Variants in ASAP3 observed in about 807,000 individuals in gnomAD.
The protein encoded by ASAP3 is arf-GAP with SH3 domain, ANK repeat and PH domain-containing protein 3.
A neutral mutation model predicts 118.2 loss-of-function variants in ASAP3; 85 were observed. The ratio of observed to expected loss-of-function variants is 0.72; its 90% CI spans 0.60 to 0.86. The LOEUF is 0.86. Among genes scored for constraint, ASAP3 ranks in the 40% least tolerant of loss-of-function variants. The probability of loss-of-function intolerance (pLI) is 0.00; values close to 1 mark genes in which losing one functional copy is unlikely to be tolerated. For synonymous variants in ASAP3, 432 were observed against 477.4 expected (o/e 0.90, Z 1.24); for missense variants, 1,026 against 1,175.0 (o/e 0.87, Z 1.85).
intron 1 of ASAP3, among the ~76,000 whole-genome samples, chr1:23,461,231 T>C (rs1641575497): frequency 1.3e-5 from 2 of 152,204 alleles, no homozygotes; most frequent in Non-Finnish European, 2.9e-5. Context: ...TGTCAATGTA[T>C]GGTCATTGAA....
At position 23,437,395 on chromosome 1, in the gene ASAP3, C is replaced by G; in HGVS notation, c.1151+29G>C. 1 of 1,612,550 alleles carries G rather than the reference C, an allele frequency of 6.2e-7. No homozygotes were observed. The highest frequency in any genetic ancestry group is 8.5e-7 in the Non-Finnish European group (1 of 1,179,194). ...GGGCCGCCGGCCCCCACCCACAAGG[C>G]TGGCCGGGCTGGCCGAGGGGGCACT... On this transcript the variant is annotated intron_variant, in intron 13 of 24. Coordinates refer to ENST00000336689, the MANE Select transcript of ASAP3 (RefSeq NM_017707.4). This position sits in a 1 kb window ranked among gnomAD's most constrained non-coding sequence, Gnocchi z 6.1.
intron 5 of ASAP3, among the ~76,000 whole-genome samples, chr1:23,445,244 C>A (rs1396819803): frequency 2.0e-5 from 3 of 152,150 alleles, no homozygotes; most frequent in African/African-American, 7.2e-5. Flanking sequence ...AATCCCAGCA[C>A]TTTGTGAGGC....
chr1:23,433,492 T>C lies in ASAP3; in HGVS notation c.2060A>G (p.His687Arg). The change falls in exon 21 of 25, where the codon CAT becomes CGT. Residue 687 changes from histidine (H) to arginine (R), a missense_variant. Transcript: ENST00000336689. The part of the protein sequence containing the change: ...AQAGTFAFPL[H>R]VDYSWVISTE... ...GGAAATTACCCAGGAGTAGTCCACA[T>C]GTAGAGGGAAGGCAAAGGTCCCCGC... The C allele has an allele frequency of 2.5e-6, 4 of 1,614,164 alleles. No homozygotes were observed. The highest frequency in any genetic ancestry group is 3.4e-6 in the Non-Finnish European group (4 of 1,180,032).
At chr1:23,448,803 T>G (rs946265) in intron 5 of ASAP3, among the ~76,000 whole-genome samples, 119,084 of 152,030 alleles carry the variant, frequency 0.78, 47,663 homozygotes, top group Middle Eastern at 0.89. Flanking sequence ...ATGTTAAAAT[T>G]ATAGCCCCAT....
intron 1 of ASAP3, among the ~76,000 whole-genome samples, chr1:23,461,488 G>A (rs918692626): frequency 6.6e-6 from 1 of 152,016 alleles, no homozygotes; most frequent in East Asian, 1.9e-4. Context: ...GCAACATAGT[G>A]AGAGTCTGTC....
chr1:23,449,483 T>C (rs542178891), intron 5 of ASAP3, among the ~76,000 whole-genome samples: 2 of 152,222 alleles, frequency 1.3e-5, no homozygotes, highest in African/African-American at 2.4e-5. Context: ...ATTTGACAGA[T>C]GCTATCAGGG....
At chr1:23,467,107 G>T (rs1463119901) in intron 1 of ASAP3, among the ~76,000 whole-genome samples, 1 of 151,522 alleles carries the variant, frequency 6.6e-6, no homozygotes, top group East Asian at 1.9e-4. Flanking sequence ...CAGGTAATCC[G>T]CCCGCCTCAG....
intron 1 of ASAP3, among the ~76,000 whole-genome samples, chr1:23,477,712 G>A (rs1361411426): frequency 1.3e-5 from 2 of 152,128 alleles, no homozygotes; most frequent in Non-Finnish European, 2.9e-5. Flanking sequence ...TGTTCTTTCT[G>A]TTTGTTTTGT....
chr1:23,482,538 G>A (rs928000220), intron 1 of ASAP3, among the ~76,000 whole-genome samples: 2 of 151,950 alleles, frequency 1.3e-5, no homozygotes, highest in Non-Finnish European at 2.9e-5. Context: ...AAAGATGCAT[G>A]CTTTATATGC....
chr1:23,442,059 G>C, intron 7 of ASAP3, 127 bp downstream of exon 7: 1 of 991,610 alleles, frequency 1.0e-6, no homozygotes, highest in Non-Finnish European at 1.5e-6. Flanking sequence ...ACTCAATGAG[G>C]AACTATGAAA....
rs535583916 is a variant in ASAP3 at position 23,431,715 on chromosome 1, A to C, written c.2527T>G (p.Tyr843Asp). ...ACCAACCTGAATCTGACGGGGAGGTACATCTCCGAAGGGGTGGTCCCGGAT... is the reference window on the plus strand; with the variant it reads ...ACCAACCTGAATCTGACGGGGAGGTCCATCTCCGAAGGGGTGGTCCCGGAT... The part of the protein sequence containing the change: ...LTSGTTPSEM[Y>D]LPVRFSSEST... Residue 843 changes from tyrosine (Y) to aspartate (D), a missense_variant, in exon 23 of 25, where the codon TAC becomes GAC. Transcript: ENST00000336689. The C allele has an allele frequency of 1.8e-5, 27 of 1,522,148 alleles. No individual in the cohort carries two copies. In the South Asian group the frequency reaches 3.6e-4, roughly 20 times the overall value. 94.3% of individuals were successfully genotyped at this position (1,522,148 alleles called of 1,614,324 possible).
Position 23,437,022 on chromosome 1 carries a change from G to A in ASAP3, c.1365C>T (p.Asn455=). ...ACTGGATGCAGGTGAGCACGCCCAGGTTGGTGCTGAGCCACGTGGGGTCTG... is the reference window on the plus strand; with the variant it reads ...ACTGGATGCAGGTGAGCACGCCCAGATTGGTGCTGAGCCACGTGGGGTCTG... ...GAADPTWLST[N]LGVLTCIQCS... Residue 455 remains asparagine, a synonymous_variant, in exon 15 of 25, where the codon AAC becomes AAT. Transcript: ENST00000336689. The surrounding 1 kb of genome is among the most constrained non-coding windows in gnomAD (Gnocchi z 6.1). 2 of 1,611,848 alleles carry A rather than the reference G, an allele frequency of 1.2e-6. No individual in the cohort carries two copies. Among genetic ancestry groups the A allele is most frequent in the South Asian group, 2.2e-5 (2 of 90,792 alleles).
intron 3 of ASAP3, 75 bp from the exon 4 acceptor site, chr1:23,452,846 A>G (rs1046437263): frequency 1.4e-6 from 2 of 1,426,040 alleles, no homozygotes; most frequent in African/African-American, 2.8e-5. Flanking sequence ...TGTACAGTGA[A>G]GCATCACTTG....
intron 21 of ASAP3, 22 bp from the exon 22 acceptor site, chr1:23,433,294 G>C: frequency 6.2e-7 from 1 of 1,604,078 alleles, no homozygotes; most frequent in Middle Eastern, 1.7e-4. Context: ...AAAGATTGAG[G>C]ATGAGGACAG....
intron 1 of ASAP3, among the ~76,000 whole-genome samples, chr1:23,478,337 C>T (rs567395513): frequency 1.3e-5 from 2 of 152,198 alleles, no homozygotes; most frequent in South Asian, 2.1e-4. Context: ...TGGTGGCGGG[C>T]GCCTGTAATC....
At chr1:23,448,848 A>G (rs1205813193) in intron 5 of ASAP3, among the ~76,000 whole-genome samples, 2 of 152,178 alleles carry the variant, frequency 1.3e-5, no homozygotes, top group Non-Finnish European at 2.9e-5. Context: ...ATAGAAGAGG[A>G]GCCTATGGCT....
rs1320558427 is a variant in ASAP3 at position 23,442,624 on chromosome 1, G to A, written c.474-12C>T. On this transcript the variant is annotated splice_polypyrimidine_tract_variant and intron_variant, in intron 5 of 24. Transcript: ENST00000336689. The stretch of plus-strand genomic sequence containing the variant: ...TCTCCAGCTTGGCCCTAGACCCCAA[G>A]GAAAGAGAAGCCTGAACAAGTCTCA... The A allele has an allele frequency of 3.1e-6, 5 of 1,612,660 alleles. No individual in the cohort carries two copies. The highest frequency in any genetic ancestry group is 1.1e-5 in the South Asian group (1 of 90,718).
chr1:23,445,639 A>C (rs1641025250), intron 5 of ASAP3, among the ~76,000 whole-genome samples: 2 of 152,204 alleles, frequency 1.3e-5, no homozygotes, highest in African/African-American at 4.8e-5. Flanking sequence ...AGTTAGACAA[A>C]TAATAGTATG....
intron 1 of ASAP3, among the ~76,000 whole-genome samples, chr1:23,467,951 C>CAAA (rs573411297): frequency 5.7e-5 from 3 of 52,424 alleles, no homozygotes; most frequent in Non-Finnish European, 3.8e-5. Flanking sequence ...GACTCCGTCT[C>CAAA]AAAAAAAAAA....
Sources: gnomAD v4.1 joint callset for allele counts (sites outside exome capture counted in the v4.1 genomes callset) on GRCh38, gnomAD v4.1.1 for gene constraint, Gnocchi (gnomAD v3.1) non-coding constraint, MANE v1.5 for transcripts, NCBI Gene and HGNC (gene_info 2026-07-23, HGNC 2026-07-21) for gene names.